The following STAG1 variants were observed in gnomAD, a reference collection of about 807,000 sequenced individuals.
STAG1 encodes the protein STAG1 cohesin complex component.
Under a neutral mutation model 170.9 loss-of-function variants are expected in STAG1, and 26 were observed. The ratio of observed to expected loss-of-function variants is 0.15; its 90% confidence interval spans 0.11 to 0.21. The LOEUF (loss-of-function observed/expected upper bound fraction) is 0.21, where lower values mean the gene tolerates loss of function less well. Among genes scored for constraint, STAG1 ranks in the 10% least tolerant of loss-of-function variants. STAG1 has a pLI of 1.00. For synonymous variants in STAG1, 514 were observed against 497.7 expected, an observed-to-expected ratio of 1.03 and a Z score of -0.44; for missense variants, 964 against 1,509.5, an observed-to-expected ratio of 0.64 and a Z score of 5.99.
At chr3:136,741,879 A>C (rs1934689698) in intron 1 of STAG1, among the ~76,000 whole-genome samples, 1 of 152,216 alleles carries the variant, frequency 6.6e-6, no homozygotes, top group South Asian at 2.1e-4. Context: ...GGAAACAGTA[A>C]GCTCAAGATC....
chr3:136,610,872 C>T (rs1576665040), intron 3 of STAG1, among the ~76,000 whole-genome samples: 3 of 152,184 alleles, frequency 2.0e-5, no homozygotes, highest in Admixed American at 2.0e-4. Context: ...TGTGTATTGC[C>T]CATTCAACCC....
At position 136,441,964 on chromosome 3, in the gene STAG1, G is replaced by A. The variant is rs796842455; in HGVS notation, c.1546+1323C>T. 5.3e-5 allele frequency among the ~76,000 whole-genome samples: 8 copies of A among 152,270 alleles called. No homozygotes were observed. In the South Asian group the frequency reaches 6.2e-4, roughly 12 times the overall value. ...TGTAATTCAAGCACTATGGTAGGCCGAGGCGGGAGGATCACCTGAGCTCAG... is the reference window on the plus strand; with the variant it reads ...TGTAATTCAAGCACTATGGTAGGCCAAGGCGGGAGGATCACCTGAGCTCAG... On this transcript the variant is annotated intron_variant, in intron 15 of 33. Coordinates refer to ENST00000383202, the MANE Select transcript of STAG1 (RefSeq NM_005862.3).
intron 2 of STAG1, among the ~76,000 whole-genome samples, chr3:136,624,686 C>G (rs1444656169): frequency 3.9e-5 from 6 of 152,148 alleles, no homozygotes; most frequent in Admixed American, 2.6e-4. Context: ...TTCTCTATCA[C>G]TTTCTTAAGT....
chr3:136,473,112 G>A (rs763677933), intron 11 of STAG1, among the ~76,000 whole-genome samples: 3 of 152,034 alleles, frequency 2.0e-5, no homozygotes, highest in Non-Finnish European at 2.9e-5. Context: ...TGTGAACTGC[G>A]CATGCAAGGG....
chr3:136,689,074 T>C lies in STAG1; in HGVS notation c.-83-58093A>G, dbSNP rs147169106. On this transcript the variant is annotated intron_variant, in intron 1 of 33. Coordinates refer to ENST00000383202, the MANE Select transcript of STAG1 (RefSeq NM_005862.3). ...AGCAGATTCTTTATGGTGTTCTTTATAGAACTTTACAAAACACTATGAACT... is the reference window on the plus strand; with the variant it reads ...AGCAGATTCTTTATGGTGTTCTTTACAGAACTTTACAAAACACTATGAACT... Among the ~76,000 whole-genome samples, 7 of 152,374 alleles carry C rather than the reference T, an allele frequency of 4.6e-5. No individual in the cohort carries two copies. In the East Asian group the frequency reaches 9.6e-4, roughly 21 times the overall value.
intron 21 of STAG1, among the ~76,000 whole-genome samples, chr3:136,411,072 G>T (rs149168355): frequency 3.9e-5 from 6 of 152,270 alleles, no homozygotes; most frequent in Admixed American, 3.3e-4. Flanking sequence ...TTGTATGTAA[G>T]AGCAAAATAA....
intron 4 of STAG1, among the ~76,000 whole-genome samples, chr3:136,577,977 G>A (rs971312102): frequency 1.3e-5 from 2 of 152,180 alleles, no homozygotes; most frequent in African/African-American, 4.8e-5. Flanking sequence ...CCCTGGCCTT[G>A]ACAGATTAGG....
At chr3:136,707,933 G>A (rs986125750) in intron 1 of STAG1, among the ~76,000 whole-genome samples, 17 of 151,888 alleles carry the variant, frequency 1.1e-4, no homozygotes, top group African/African-American at 3.6e-4. Context: ...AGTTTTGGTG[G>A]TACAAACAAA....
intron 13 of STAG1, among the ~76,000 whole-genome samples, chr3:136,463,718 A>G (rs1350902095): frequency 1.4e-5 from 2 of 139,366 alleles, no homozygotes; most frequent in Non-Finnish European, 3.1e-5. Flanking sequence ...TCTCTCTAAA[A>G]AAAAAAAAAT....
At chr3:136,407,231 G>A (rs573362029) in intron 21 of STAG1, among the ~76,000 whole-genome samples, 13 of 152,022 alleles carry the variant, frequency 8.6e-5, no homozygotes, top group Non-Finnish European at 1.8e-4. Context: ...TTGCCATACT[G>A]GCCAGGCTGG....
intron 22 of STAG1, among the ~76,000 whole-genome samples, chr3:136,388,891 T>G (rs2086934021): frequency 6.6e-6 from 1 of 152,218 alleles, no homozygotes; most frequent in Non-Finnish European, 1.5e-5. Context: ...ATCATTAATT[T>G]TGGTGGAGGA....
Position 136,521,303 on chromosome 3 carries a change from C to T in STAG1, c.586G>A (p.Asp196Asn). The T allele has an allele frequency of 6.2e-7, 1 of 1,613,762 alleles. No individual in the cohort carries two copies. The highest frequency in any genetic ancestry group is 8.5e-7 in the Non-Finnish European group (1 of 1,179,792). The change falls in exon 7 of 34, where the codon GAT (aspartate) becomes AAT (asparagine). Residue 196 changes from aspartate (D) to asparagine (N), a missense_variant. Transcript: ENST00000383202. ...IRQCQYSIIY[D>N]EYMMDTVISL... is the part of the protein sequence containing the mutation. Reference sequence around the variant, plus strand: ...ATTACTGTGTCCATCATATACTCATCATAAATTATGCTATACTGACACTGT... The same window carrying T: ...ATTACTGTGTCCATCATATACTCATTATAAATTATGCTATACTGACACTGT...
At chr3:136,340,835 T>C (rs1416301116) in intron 31 of STAG1, among the ~76,000 whole-genome samples, 1 of 152,216 alleles carries the variant, frequency 6.6e-6, no homozygotes, top group Non-Finnish European at 1.5e-5. Context: ...TAACGGTTGT[T>C]AACATTTATT....
At chr3:136,551,254 A>T (rs113845336) in intron 5 of STAG1, among the ~76,000 whole-genome samples, 73 of 137,728 alleles carry the variant, frequency 5.3e-4, no homozygotes, top group African/African-American at 2.1e-3. Context: ...AGAGAGAGAG[A>T]GAGAGAGGGA....
chr3:136,653,799 C>A (rs1941289901), intron 1 of STAG1, among the ~76,000 whole-genome samples: 1 of 152,142 alleles, frequency 6.6e-6, no homozygotes. Context: ...ACACCATGAC[C>A]AAGTGGGATT....
At chr3:136,411,841 G>A (rs796784987) in intron 21 of STAG1, among the ~76,000 whole-genome samples, 4 of 152,122 alleles carry the variant, frequency 2.6e-5, no homozygotes, top group African/African-American at 9.6e-5. Flanking sequence ...AGCTACTTGG[G>A]AGGCTGAGGC....
chr3:136,679,945 G>T (rs1353775197), intron 1 of STAG1, among the ~76,000 whole-genome samples: 5 of 151,828 alleles, frequency 3.3e-5, no homozygotes, highest in Admixed American at 3.3e-4. Flanking sequence ...TATATTCAAA[G>T]ATACAACATT....
Position 136,592,416 on chromosome 3 carries a change from T to C in STAG1, c.297+11893A>G, listed in dbSNP as rs139710908. On this transcript the variant is annotated intron_variant, in intron 4 of 33. Transcript: ENST00000383202. ...CCTGCTGCCCTATAAAGAGGTACCT[T>C]CCACCATGATTGTAAGTTTCCTAAG... Among the ~76,000 whole-genome samples the C allele has an allele frequency of 1.4e-3, 212 of 152,254 alleles. 1 individual carries two copies. The highest frequency in any genetic ancestry group is 5.0e-3 in the African/African-American group (209 of 41,532).
chr3:136,572,260 AC>A (rs1937287449), intron 4 of STAG1, among the ~76,000 whole-genome samples: 1 of 152,012 alleles, frequency 6.6e-6, no homozygotes. Flanking sequence ...AAACATTAAA[AC>A]ATACTACGAA....
Sources: gnomAD v4.1 joint callset for allele counts (sites outside exome capture counted in the v4.1 genomes callset) on GRCh38, gnomAD v4.1.1 for gene constraint, MANE v1.5 for transcripts, NCBI Gene and HGNC (gene_info 2026-07-23, HGNC 2026-07-21) for gene names.